The following CPE variants were observed in gnomAD, a reference collection of about 807,000 sequenced individuals.
CPE encodes the protein carboxypeptidase E, also known as carbocypeptidase E.
A neutral mutation model predicts 53.5 loss-of-function variants in CPE; 17 were observed. The observed-to-expected ratio is 0.32, with a 90% CI of 0.22 to 0.48. The LOEUF is 0.48. CPE is among the 20% of genes least tolerant of loss of function. The probability of loss-of-function intolerance (pLI) is 0.99; values close to 1 mark genes in which losing one functional copy is unlikely to be tolerated. For synonymous variants in CPE, 226 were observed against 228.8 expected (o/e 0.99, Z 0.11); for missense variants, 524 against 614.7 (o/e 0.85, Z 1.56).
rs537100108 is a variant in CPE, at chr4:165,463,366, C to G, written c.308-1024C>G. Among the ~76,000 whole-genome samples the G allele has an allele frequency of 2.6e-5, 4 of 152,222 alleles. No individual in the cohort carries two copies. In the South Asian group the frequency reaches 8.3e-4, roughly 32 times the overall value. ...CACTTGCTATTTGTCAGGCACTGTT[C>G]TAAGCATTTACATTCATTATTTTAT... On this transcript the variant is annotated intron_variant, in intron 1 of 8. Transcript: ENST00000402744.
At chr4:165,429,302 T>TA (rs1189854174) in intron 1 of CPE, among the ~76,000 whole-genome samples, 1 of 152,220 alleles carries the variant, frequency 6.6e-6, no homozygotes, top group African/African-American at 2.4e-5. Flanking sequence ...TGGGGGCAAT[T>TA]AGGTTAACAA....
At chr4:165,490,371 C>T (rs1434223326) in intron 6 of CPE, among the ~76,000 whole-genome samples, 6 of 152,024 alleles carry the variant, frequency 3.9e-5, no homozygotes, top group South Asian at 2.1e-4. Context: ...TGGTGGCTCA[C>T]GCCTGTAATC....
At chr4:165,447,581 A>AG (rs1731738742) in intron 1 of CPE, among the ~76,000 whole-genome samples, 1 of 149,196 alleles carries the variant, frequency 6.7e-6, no homozygotes, top group African/African-American at 2.5e-5. Flanking sequence ...TAAAAAAAAA[A>AG]AAAGAAAAGA....
chr4:165,491,228 TA>T (rs1355864135), intron 6 of CPE, among the ~76,000 whole-genome samples: 33 of 152,380 alleles, frequency 2.2e-4, no homozygotes, highest in African/African-American at 6.7e-4. Flanking sequence ...TTCTGCCTAA[TA>T]CAGGCAAATA....
chr4:165,442,243 G>T (rs1000520254), intron 1 of CPE, among the ~76,000 whole-genome samples: 17 of 151,850 alleles, frequency 1.1e-4, no homozygotes, highest in African/African-American at 4.1e-4. Context: ...AGAGTCTTGC[G>T]ATGTTGCCCA....
intron 1 of CPE, among the ~76,000 whole-genome samples, chr4:165,452,714 C>G (rs1731833204): frequency 6.6e-6 from 1 of 152,152 alleles, no homozygotes; most frequent in Non-Finnish European, 1.5e-5. Context: ...TGGCCCTCAG[C>G]TGTTGAAATT....
At chr4:165,485,997 C>T (rs1732499227) in intron 5 of CPE, among the ~76,000 whole-genome samples, 1 of 152,172 alleles carries the variant, frequency 6.6e-6, no homozygotes. Context: ...AAAGTCCAGC[C>T]TTGGCCTGAG....
chr4:165,416,900 A>G (rs1477007819), intron 1 of CPE, among the ~76,000 whole-genome samples: 1 of 151,942 alleles, frequency 6.6e-6, no homozygotes, highest in Non-Finnish European at 1.5e-5. Context: ...ATATTTTCGA[A>G]TGTGTCAATG....
chr4:165,431,479 T>G (rs1237965542), intron 1 of CPE, among the ~76,000 whole-genome samples: 1 of 152,154 alleles, frequency 6.6e-6, no homozygotes, highest in Non-Finnish European at 1.5e-5. Flanking sequence ...GTAGTTTCCA[T>G]ATAGACTCTC....
chr4:165,441,773 G>T (rs1731615019), intron 1 of CPE, among the ~76,000 whole-genome samples: 1 of 152,140 alleles, frequency 6.6e-6, no homozygotes, highest in Non-Finnish European at 1.5e-5. Flanking sequence ...AATGACCACT[G>T]TTGCTCCAGC....
intron 1 of CPE, among the ~76,000 whole-genome samples, chr4:165,434,582 A>C (rs904031511): frequency 3.3e-5 from 5 of 152,172 alleles, no homozygotes; most frequent in Non-Finnish European, 2.9e-5. Context: ...TCAGCACCTA[A>C]AGAACTCGGT....
intron 7 of CPE, among the ~76,000 whole-genome samples, 161 bp downstream of exon 7, chr4:165,493,431 G>C (rs1732644002): frequency 6.6e-6 from 1 of 152,186 alleles, no homozygotes; most frequent in Admixed American, 6.5e-5. Flanking sequence ...GTGGGCTCAG[G>C]TCAGGCGGAG....
intron 1 of CPE, among the ~76,000 whole-genome samples, chr4:165,445,364 C>G (rs1424331155): frequency 1.3e-5 from 2 of 148,850 alleles, no homozygotes; most frequent in East Asian, 3.9e-4. Context: ...TGTTATTTAT[C>G]CTTCATACCG....
At chr4:165,491,220 C>T (rs1324187078) in intron 6 of CPE, among the ~76,000 whole-genome samples, 1 of 152,192 alleles carries the variant, frequency 6.6e-6, no homozygotes, top group Non-Finnish European at 1.5e-5. Flanking sequence ...TAATATATTT[C>T]TGCCTAATAC....
chr4:165,463,440 C>T (rs1398863288), intron 1 of CPE, among the ~76,000 whole-genome samples: 1 of 152,062 alleles, frequency 6.6e-6, no homozygotes, highest in African/African-American at 2.4e-5. Flanking sequence ...ATTGTTATCT[C>T]TAATTTTTAG....
intron 1 of CPE, among the ~76,000 whole-genome samples, chr4:165,426,852 G>T (rs1731328103): frequency 1.3e-5 from 2 of 152,316 alleles, no homozygotes; most frequent in South Asian, 4.1e-4. Flanking sequence ...GGACACAAAG[G>T]GTGAGGTTGG....
intron 6 of CPE, among the ~76,000 whole-genome samples, chr4:165,492,016 A>T (rs1315486494): frequency 1.3e-5 from 2 of 152,228 alleles, no homozygotes; most frequent in African/African-American, 2.4e-5. Flanking sequence ...TAGATGCAGT[A>T]CTTTCTTAAA....
chr4:165,418,068 G>A (rs1731154530), intron 1 of CPE, among the ~76,000 whole-genome samples: 1 of 152,180 alleles, frequency 6.6e-6, no homozygotes, highest in South Asian at 2.1e-4. Context: ...TAAGACAGAT[G>A]ACACCAATGT....
chr4:165,430,676 C>T (rs1255039338), intron 1 of CPE, among the ~76,000 whole-genome samples: 1 of 151,590 alleles, frequency 6.6e-6, no homozygotes, highest in Non-Finnish European at 1.5e-5. Context: ...TAATATATGC[C>T]TCATAAAAGA....
Sources: allele counts gnomAD v4.1 joint callset (sites outside exome capture counted in the v4.1 genomes callset), GRCh38; gene constraint gnomAD v4.1.1; transcripts MANE v1.5; gene names NCBI Gene and HGNC (gene_info 2026-07-23, HGNC 2026-07-21).